The following SH3D19 variants were observed in gnomAD, a reference collection of about 807,000 sequenced individuals.
The protein encoded by SH3D19 is SH3 domain-containing protein 19.
Under a neutral mutation model 112.1 loss-of-function variants are expected in SH3D19, and 58 were observed. That is an observed-to-expected ratio of 0.52 (90% CI 0.42 to 0.64). The LOEUF is 0.64. Ranked by LOEUF, SH3D19 falls within the 30% of genes least tolerant of loss-of-function variation. The pLI is 0.00. For synonymous variants in SH3D19, 391 were observed against 448.5 expected (o/e 0.87, Z 1.62); for missense variants, 1,090 against 1,263.4 (o/e 0.86, Z 2.08).
intron 6 of SH3D19, among the ~76,000 whole-genome samples, chr4:151,176,006 G>C (rs1472638998): frequency 6.6e-6 from 1 of 151,986 alleles, no homozygotes; most frequent in Non-Finnish European, 1.5e-5. Flanking sequence ...GAGTAGCTGG[G>C]ACTACAGACA....
chr4:151,190,722 G>A (rs527785992), intron 2 of SH3D19, among the ~76,000 whole-genome samples: 13 of 152,348 alleles, frequency 8.5e-5, no homozygotes, highest in African/African-American at 2.9e-4. Context: ...CCAGGCAGAA[G>A]TTTGCTGCAG....
rs1747943167 is a variant in SH3D19, at chr4:151,121,296, A to G, written c.*795T>C. ...GGGTCCAGTAATTGTCAAAGGAATGATTGCAGATTCAGAAAATGTGCTTTG... is the reference window on the plus strand; with the variant it reads ...GGGTCCAGTAATTGTCAAAGGAATGGTTGCAGATTCAGAAAATGTGCTTTG... On this transcript the variant is annotated 3_prime_UTR_variant, in exon 20 of 20. Transcript: ENST00000604030. 1.3e-5 allele frequency: 2 copies of G among 152,646 alleles called. No individual in the cohort carries two copies. The highest frequency in any genetic ancestry group is 4.8e-5 in the African/African-American group (2 of 41,460). The allele number at this position is 152,646 out of a possible 1,614,324, so 9.5% of individuals were successfully genotyped here. A position where few individuals can be genotyped will look rare whatever the true frequency, so the allele number is the denominator to read the frequency against.
At chr4:151,190,647 G>A (rs187407179) in intron 2 of SH3D19, among the ~76,000 whole-genome samples, 9 of 152,346 alleles carry the variant, frequency 5.9e-5, no homozygotes, top group Admixed American at 5.9e-4. Context: ...GTGCACAGAA[G>A]TCAAGAATTG....
intron 1 of SH3D19, among the ~76,000 whole-genome samples, chr4:151,303,616 T>C (rs1257526641): frequency 6.6e-6 from 1 of 152,138 alleles, no homozygotes; most frequent in East Asian, 1.9e-4. Flanking sequence ...ATACATTATG[T>C]TTTAACATGA....
chr4:151,272,955 G>A (rs1773329506), intron 1 of SH3D19, among the ~76,000 whole-genome samples: 1 of 152,086 alleles, frequency 6.6e-6, no homozygotes, highest in Non-Finnish European at 1.5e-5. Context: ...GGGGCTGTAA[G>A]TGGTGATTTT....
chr4:151,306,471 G>A (rs890772571), intron 1 of SH3D19, among the ~76,000 whole-genome samples: 1 of 152,102 alleles, frequency 6.6e-6, no homozygotes. Context: ...ATTTTATTCA[G>A]ATATGCTAAA....
At chr4:151,211,202 A>G (rs1263328425) in intron 2 of SH3D19, among the ~76,000 whole-genome samples, 1 of 151,980 alleles carries the variant, frequency 6.6e-6, no homozygotes, top group African/African-American at 2.4e-5. Flanking sequence ...CCCGGGAGGC[A>G]GAAGTTGCAG....
At chr4:151,198,806 A>C (rs1008242669) in intron 2 of SH3D19, among the ~76,000 whole-genome samples, 1 of 152,220 alleles carries the variant, frequency 6.6e-6, no homozygotes, top group African/African-American at 2.4e-5. Flanking sequence ...GCAGCTCTTA[A>C]GGAGTTACTG....
intron 1 of SH3D19, among the ~76,000 whole-genome samples, chr4:151,229,976 G>A (rs1193380278): frequency 1.3e-5 from 2 of 152,324 alleles, no homozygotes; most frequent in African/African-American, 4.8e-5. Flanking sequence ...GGTTGTGTGT[G>A]TATAAATGCT....
At chr4:151,246,358 T>C (rs1454383489) in intron 1 of SH3D19, among the ~76,000 whole-genome samples, 1 of 152,212 alleles carries the variant, frequency 6.6e-6, no homozygotes, top group Non-Finnish European at 1.5e-5. Context: ...TGTTTCTGGC[T>C]TATCAAATTA....
chr4:151,210,060 G>A (rs192834234), intron 2 of SH3D19, among the ~76,000 whole-genome samples: 8 of 152,254 alleles, frequency 5.3e-5, no homozygotes, highest in African/African-American at 1.9e-4. Context: ...CAGGGAAAGG[G>A]AAGAATCTCA....
In SH3D19 at chr4:151,120,726, A is replaced by G. The variant is rs1039138234; in HGVS notation, c.*1365T>C. 1.0e-4 allele frequency: 16 copies of G among 152,426 alleles called. No homozygotes were observed. Among genetic ancestry groups the G allele is most frequent in the African/African-American group, 3.9e-4 (16 of 41,456 alleles). 9.4% of individuals were successfully genotyped at this position (152,426 alleles called of 1,614,324 possible). A position where few individuals can be genotyped will look rare whatever the true frequency, so the allele number is the denominator to read the frequency against. Reference sequence around the variant, plus strand: ...GAACTCCAGGTTGTAGTCACGTAAAAGTGTGGCCACTTGTTGCTTAACTTT... The same window carrying G: ...GAACTCCAGGTTGTAGTCACGTAAAGGTGTGGCCACTTGTTGCTTAACTTT... On this transcript the variant is annotated 3_prime_UTR_variant, in exon 20 of 20. Transcript: ENST00000604030.
chr4:151,280,030 A>G, intron 1 of SH3D19: 1 of 1,529,194 alleles, frequency 6.5e-7, no homozygotes, highest in Admixed American at 1.7e-5. Context: ...TGAATGAACC[A>G]AAAGACAAAT....
chr4:151,305,577 A>G (rs1357728856), intron 1 of SH3D19, among the ~76,000 whole-genome samples: 1 of 152,242 alleles, frequency 6.6e-6, no homozygotes, highest in African/African-American at 2.4e-5. Context: ...TCATTAGCCA[A>G]AAGGAAAATG....
At chr4:151,137,019 C>G (rs1751997403) in intron 14 of SH3D19, among the ~76,000 whole-genome samples, 1 of 152,150 alleles carries the variant, frequency 6.6e-6, no homozygotes, top group East Asian at 1.9e-4. Flanking sequence ...TAAGTTATAT[C>G]AGGGACCGAG....
chr4:151,237,154 C>A (rs1641130433), intron 1 of SH3D19, among the ~76,000 whole-genome samples: 1 of 152,154 alleles, frequency 6.6e-6, no homozygotes, highest in African/African-American at 2.4e-5. Flanking sequence ...AGACCACGAA[C>A]CCAGCGGAAG....
chr4:151,270,529 C>A (rs1773157461), intron 1 of SH3D19, among the ~76,000 whole-genome samples: 1 of 152,172 alleles, frequency 6.6e-6, no homozygotes, highest in Admixed American at 6.5e-5. Flanking sequence ...ATTACTCAGT[C>A]TCAGGTATTT....
At chr4:151,213,760 G>C (rs1049990378) in intron 2 of SH3D19, among the ~76,000 whole-genome samples, 5 of 151,540 alleles carry the variant, frequency 3.3e-5, no homozygotes, top group Non-Finnish European at 7.4e-5. Flanking sequence ...GCTCACTGTA[G>C]CCTCAAACTC....
chr4:151,187,561 A>C (rs1306101387), intron 2 of SH3D19, 98 bp from the exon 3 acceptor site: 1 of 626,190 alleles, frequency 1.6e-6, no homozygotes, highest in African/African-American at 1.9e-5. Context: ...TATGGTGCTA[A>C]GCCACAAGTT....
Sources: gnomAD v4.1 joint callset for allele counts (sites outside exome capture counted in the v4.1 genomes callset) on GRCh38, gnomAD v4.1.1 for gene constraint, MANE v1.5 for transcripts, NCBI Gene and HGNC (gene_info 2026-07-23, HGNC 2026-07-21) for gene names.